CYP3A4: variants seen among roughly 807,000 people sequenced by gnomAD.
CYP3A4 encodes the protein cytochrome P450 3A4.
CYP3A4 carries 41 observed loss-of-function variants against 54.9 expected under a neutral mutation model. The ratio of observed to expected loss-of-function variants is 0.75; its 90% CI spans 0.58 to 0.97. CYP3A4 has a LOEUF of 0.97. CYP3A4 is among the 50% of genes least tolerant of loss of function. The pLI is 0.00. For synonymous variants in CYP3A4, 179 were observed against 205.2 expected (o/e 0.87, Z 1.09); for missense variants, 510 against 597.3 (o/e 0.85, Z 1.52).
At chr7:99,765,291 T>G (rs1175189065) in intron 9 of CYP3A4, among the ~76,000 whole-genome samples, 1 of 152,202 alleles carries the variant, frequency 6.6e-6, no homozygotes, top group Non-Finnish European at 1.5e-5. Flanking sequence ...TAGCCACATA[T>G]CCAGTGCTCA....
In CYP3A4 at chr7:99,760,852, C is replaced by A; in HGVS notation, c.1383G>T (p.Gln461His). ...NMKLALIRVL[Q>H]NFSFKPCKET... ...CTTTACAAGGTTTGAAGGAGAAGTT[C>A]TGAAGGACTCTGATTAGAGCAAGTT... The change falls in exon 12 of 13, where the codon CAG (glutamine) becomes CAT (histidine). Residue 461 changes from glutamine to histidine, a missense_variant. By Grantham distance (24) the Gln-to-His change is conservative. Coordinates refer to ENST00000651514, the MANE Select transcript of CYP3A4 (RefSeq NM_017460.6). 4.3e-6 allele frequency: 7 copies of A among 1,614,080 alleles called. No individual in the cohort carries two copies. Among genetic ancestry groups the A allele is most frequent in the Non-Finnish European group, 5.1e-6 (6 of 1,179,960 alleles).
rs1435461388 is a variant in CYP3A4, at chr7:99,758,092, A to G, written c.*41T>C. 1.3e-6 allele frequency: 2 copies of G among 1,528,830 alleles called. No homozygotes were observed. The highest frequency in any genetic ancestry group is 1.8e-6 in the Non-Finnish European group (2 of 1,102,526). The allele number at this position is 1,528,830 out of a possible 1,614,324, so 94.7% of individuals were successfully genotyped here. Reference sequence around the variant, plus strand: ...TTTGAGGTCTCTGGTGTTCTCAGGCACAGATTTCTTGAAGAGCAAAGCAGA... The same window carrying G: ...TTTGAGGTCTCTGGTGTTCTCAGGCGCAGATTTCTTGAAGAGCAAAGCAGA... On this transcript the variant is annotated 3_prime_UTR_variant, in exon 13 of 13. Transcript: ENST00000651514.
Position 99,767,152 on chromosome 7 carries a change from A to C in CYP3A4, c.777T>G (p.Ser259Arg). The change falls in exon 8 of 13, where the codon AGT becomes AGG. Residue 259 changes from serine (S) to arginine (R), a missense_variant. Around this residue, in one of 2 missense-constraint regions of CYP3A4, gnomAD observed 238 missense variants for 322.5 expected, o/e 0.74. Coordinates refer to ENST00000651514, the MANE Select transcript of CYP3A4 (RefSeq NM_017460.6). Reference sequence around the variant, plus strand: ...TTACCTTTTGTGTATCTTCGAGGCGACTTTCTTTCATCCTTTTTACAGATT... The same window carrying C: ...TTACCTTTTGTGTATCTTCGAGGCGCCTTTCTTTCATCCTTTTTACAGATT... ...LRKSVKRMKE[S>R]RLEDTQKHRV... is the part of the protein sequence containing the mutation. The C allele has an allele frequency of 6.2e-7, 1 of 1,611,390 alleles. No homozygotes were observed. The highest frequency in any genetic ancestry group is 8.5e-7 in the Non-Finnish European group (1 of 1,178,944).
chr7:99,759,453 C>T lies in CYP3A4; in HGVS notation c.1417-1225G>A, dbSNP rs148711647. ...ACACACACACACACATGCATATGCA[C>T]GAATGGCATTTGTTTAAAGGTTCAC... is the stretch of plus-strand genomic sequence containing the variant. On this transcript the variant is annotated intron_variant, in intron 12 of 12. Transcript: ENST00000651514. Among the ~76,000 whole-genome samples the T allele has an allele frequency of 2.0e-3, 303 of 151,268 alleles. 1 individual carries two copies. The highest frequency in any genetic ancestry group is 7.1e-3 in the African/African-American group (294 of 41,240).
Position 99,769,841 on chromosome 7 carries a change from C to A in CYP3A4, c.448G>T (p.Ala150Ser), listed in dbSNP as rs746845845. The part of the protein sequence containing the change: ...GKLKEMVPII[A>S]QYGDVLVRNL... Reference sequence around the variant, plus strand: ...CTCACCAACACATCTCCATACTGGGCAATGATAGGGACCATCTAAGCACAA... The same window carrying A: ...CTCACCAACACATCTCCATACTGGGAAATGATAGGGACCATCTAAGCACAA... The change falls in exon 6 of 13, where the codon GCC becomes TCC. Residue 150 changes from alanine to serine, a missense_variant. By Grantham distance (99) the Ala-to-Ser change is moderately conservative. Transcript: ENST00000651514. The A allele has an allele frequency of 1.9e-6, 3 of 1,613,988 alleles. No individual in the cohort carries two copies. In the Admixed American group the frequency reaches 5.0e-5, roughly 27 times the overall value.
At chr7:99,779,856 C>T in intron 2 of CYP3A4, 136 bp downstream of exon 2, 2 of 785,890 alleles carry the variant, frequency 2.5e-6, no homozygotes, top group Middle Eastern at 3.3e-4. Context: ...TTGCCATGTT[C>T]TGGGTGATGC....
At chr7:99,765,942 G>A (rs539262076) in intron 9 of CYP3A4, among the ~76,000 whole-genome samples, 3 of 152,102 alleles carry the variant, frequency 2.0e-5, no homozygotes, top group South Asian at 2.1e-4. Flanking sequence ...GATGTTAGAT[G>A]TATTAGGTAG....
chr7:99,783,951 G>A (rs767926969), intron 1 of CYP3A4, 60 bp downstream of exon 1: 2 of 1,536,592 alleles, frequency 1.3e-6, no homozygotes, highest in South Asian at 1.1e-5. Flanking sequence ...GGGAAAGAGA[G>A]GCCTGATTAG....
At chr7:99,768,266 T>G in intron 7 of CYP3A4, 88 bp downstream of exon 7, 1 of 1,348,562 alleles carries the variant, frequency 7.4e-7, no homozygotes, top group South Asian at 1.3e-5. Flanking sequence ...ATATTTTAAG[T>G]GGATGAATTA....
At chr7:99,772,900 G>A (rs1478125446) in intron 3 of CYP3A4, among the ~76,000 whole-genome samples, 1 of 152,040 alleles carries the variant, frequency 6.6e-6, no homozygotes, top group Non-Finnish European at 1.5e-5. Context: ...GGATAATGTG[G>A]GCCAAACAAG....
At chr7:99,761,179 T>A (rs1815316295) in intron 11 of CYP3A4, among the ~76,000 whole-genome samples, 198 bp from the exon 12 acceptor site, 1 of 152,206 alleles carries the variant, frequency 6.6e-6, no homozygotes. Context: ...CTCCTGACAC[T>A]ATAGGAGCTT....
At chr7:99,758,924 TTGAGACACTCCTTCCG>T (rs1815249278) in intron 12 of CYP3A4, among the ~76,000 whole-genome samples, 1 of 151,678 alleles carries the variant, frequency 6.6e-6, no homozygotes, top group Non-Finnish European at 1.5e-5. Context: ...CCCATTCTTA[TTGAGACACTCCTTCCG>T]TGTTGAGGGG....
At chr7:99,774,123 C>T (rs1455590459) in intron 3 of CYP3A4, among the ~76,000 whole-genome samples, 3 of 152,066 alleles carry the variant, frequency 2.0e-5, no homozygotes, top group Non-Finnish European at 4.4e-5. Context: ...GACACATGCC[C>T]CCTCCCAAGA....
At chr7:99,782,919 G>T (rs1191122022) in intron 1 of CYP3A4, among the ~76,000 whole-genome samples, 2 of 152,058 alleles carry the variant, frequency 1.3e-5, no homozygotes, top group African/African-American at 4.8e-5. Flanking sequence ...GAAAGGTGAG[G>T]TTATTTTACA....
chr7:99,783,998 G>C lies in CYP3A4; in HGVS notation c.71+13C>G. On this transcript the variant is annotated intron_variant, in intron 1 of 12. Transcript: ENST00000651514. ...CAAGGAAACAGAGAAGAGGAGCCTG[G>C]ACAGTTACTCACAGATAGAGGAGCA... The C allele has an allele frequency of 6.2e-7, 1 of 1,613,390 alleles. No homozygotes were observed.
chr7:99,770,972 A>G (rs1021871579), intron 4 of CYP3A4, among the ~76,000 whole-genome samples: 1 of 152,132 alleles, frequency 6.6e-6, no homozygotes, highest in Non-Finnish European at 1.5e-5. Flanking sequence ...AAAATTCCTC[A>G]ATTTGATAAA....
rs749459749 is a variant in CYP3A4, at chr7:99,762,129, G to A, written c.1165C>T (p.Pro389Ser). 1.5e-5 allele frequency: 24 copies of A among 1,613,904 alleles called. No homozygotes were observed. Among genetic ancestry groups the A allele is most frequent in the Admixed American group, 3.3e-5 (2 of 59,980 alleles). ...GGAATCATCACCACCACCCCTTTGG[G>A]AATGAACATCCCATTGATCTCAACA... ...KDVEINGMFI[P>S]KGVVVMIPSY... is the part of the protein sequence containing the mutation. The change falls in exon 11 of 13, where the codon CCC becomes TCC. Residue 389 changes from proline (P) to serine (S), a missense_variant. By Grantham distance (74) the Pro-to-Ser change is moderately conservative. Coordinates refer to ENST00000651514, the MANE Select transcript of CYP3A4 (RefSeq NM_017460.6).
chr7:99,777,490 G>A lies in CYP3A4; in HGVS notation c.218+538C>T, dbSNP rs868118102. ...GATGTCACTAGTTGTGTGTGTGTGT[G>A]TGTGTGTGTGTGTGTGTGTGTGTGT... On this transcript the variant is annotated intron_variant, in intron 3 of 12. Transcript: ENST00000651514. Among the ~76,000 whole-genome samples, 1,171 of 150,260 alleles carry A rather than the reference G, an allele frequency of 7.8e-3. 16 individuals are homozygous for A. The highest frequency in any genetic ancestry group is 0.028 in the African/African-American group (1,135 of 41,122).
chr7:99,766,955 C>T, intron 8 of CYP3A4, 176 bp downstream of exon 8: 1 of 545,058 alleles, frequency 1.8e-6, no homozygotes, highest in East Asian at 3.4e-5. Flanking sequence ...ATATCTCCTT[C>T]CCCAAACCCC....
Sources: allele counts gnomAD v4.1 joint callset (sites outside exome capture counted in the v4.1 genomes callset), GRCh38; gene constraint gnomAD v4.1.1; regional missense constraint gnomAD v4.1.1; transcripts MANE v1.5; gene names NCBI Gene and HGNC (gene_info 2026-07-23, HGNC 2026-07-21).